GLG1: variants seen among roughly 807,000 people sequenced by gnomAD.
GLG1 encodes golgi glycoprotein 1.
GLG1 carries 38 observed loss-of-function variants against 160.5 expected under a neutral mutation model. The observed-to-expected ratio is 0.24, with a 90% CI of 0.18 to 0.31. The LOEUF (loss-of-function observed/expected upper bound fraction) is 0.31, where lower values mean the gene tolerates loss of function less well. Ranked by LOEUF, GLG1 falls within the 10% of genes least tolerant of loss-of-function variation. The probability of loss-of-function intolerance (pLI) is 1.00; values close to 1 mark genes in which losing one functional copy is unlikely to be tolerated. For missense variants in GLG1, 1,373 were observed against 1,505.2 expected (o/e 0.91, Z 1.45); for synonymous variants, 644 against 543.4 (o/e 1.19, Z -2.57).
intron 1 of GLG1, among the ~76,000 whole-genome samples, chr16:74,580,199 T>G (rs948008354): frequency 1.3e-5 from 2 of 151,486 alleles, no homozygotes; most frequent in African/African-American, 4.9e-5. Flanking sequence ...AAAACCAAAT[T>G]TTACGCCTGT....
intron 8 of GLG1, 67 bp downstream of exon 8, chr16:74,490,934 G>T: frequency 9.3e-7 from 1 of 1,076,364 alleles, no homozygotes; most frequent in Non-Finnish European, 1.4e-6. Flanking sequence ...AGGTGGGACA[G>T]CATCAGGAAG....
In GLG1 at chr16:74,468,226, C is replaced by CTTTTTTTTTT. The variant is rs201829157; in HGVS notation, c.2437-388_2437-379dup. ...AACCAAATCTTCCAGCTTGAAATGTCTTTTTTTTTTTTTTTTTTTTTTTTT... is the reference window on the plus strand; with the variant it reads ...AACCAAATCTTCCAGCTTGAAATGTCTTTTTTTTTTTTTTTTTTTTTTTTTTTTTTTTTTT... On this transcript the variant is annotated intron_variant, in intron 17 of 25. Transcript: ENST00000422840. 47 of 83,318 alleles carry CTTTTTTTTTT rather than the reference C, an allele frequency of 5.6e-4. 1 individual carries two copies. The highest frequency in any genetic ancestry group is 2.2e-3 in the African/African-American group (42 of 19,202). The allele number at this position is 83,318 out of a possible 1,614,324, so 5.2% of individuals were successfully genotyped here.
At chr16:74,541,790 G>A (rs1454191796) in intron 1 of GLG1, among the ~76,000 whole-genome samples, 3 of 151,880 alleles carry the variant, frequency 2.0e-5, no homozygotes, top group Admixed American at 6.6e-5. Context: ...TATTGTATGT[G>A]TATAGGTTAT....
At chr16:74,479,301 A>G (rs1023857758) in intron 11 of GLG1, among the ~76,000 whole-genome samples, 2 of 151,260 alleles carry the variant, frequency 1.3e-5, no homozygotes, top group African/African-American at 4.8e-5. Context: ...TTAAAAAAAA[A>G]AAGAAAAGAA....
At chr16:74,463,732 T>TTGTTGTTG (rs57313187) in intron 19 of GLG1, among the ~76,000 whole-genome samples, 6 of 151,132 alleles carry the variant, frequency 4.0e-5, no homozygotes, top group African/African-American at 1.5e-4. Flanking sequence ...TTGTGTTTTT[T>TTGTTGTTG]TTGTTGTTGT....
intron 1 of GLG1, among the ~76,000 whole-genome samples, chr16:74,597,022 G>A (rs974383254): frequency 1.3e-5 from 2 of 152,094 alleles, no homozygotes; most frequent in African/African-American, 4.8e-5. Context: ...AGGAGGCTGA[G>A]GTGGGATGAT....
At chr16:74,539,560 C>T (rs2017776516) in intron 1 of GLG1, among the ~76,000 whole-genome samples, 1 of 148,052 alleles carries the variant, frequency 6.8e-6, no homozygotes, top group East Asian at 2.1e-4. Context: ...AGCATACTTA[C>T]ACATAGGTAT....
chr16:74,483,833 G>A (rs935798678), intron 9 of GLG1, among the ~76,000 whole-genome samples: 3 of 151,624 alleles, frequency 2.0e-5, no homozygotes, highest in Non-Finnish European at 2.9e-5. Context: ...AATTTTTTTT[G>A]TATTTTTAGT....
chr16:74,455,929 A>G (rs1047511139), intron 25 of GLG1, among the ~76,000 whole-genome samples: 4 of 152,208 alleles, frequency 2.6e-5, no homozygotes, highest in Non-Finnish European at 5.9e-5. Flanking sequence ...GCACGAGAAG[A>G]ACTGTTATTC....
At position 74,452,512 on chromosome 16, in the gene GLG1, G is replaced by T. The variant is rs2014354369; in HGVS notation, c.*655C>A. The T allele has an allele frequency of 9.8e-7, 1 of 1,022,060 alleles. No individual in the cohort carries two copies. The highest frequency in any genetic ancestry group is 1.7e-5 in the African/African-American group (1 of 59,232). 63.3% of individuals were successfully genotyped at this position (1,022,060 alleles called of 1,614,324 possible). On this transcript the variant is annotated 3_prime_UTR_variant, in exon 26 of 26. Transcript: ENST00000422840. ...CATGGCTGTGGGGCTGTGACCAGCAGTGGCTGATTAGGGTGGAAACTGGAA... is the reference window on the plus strand; with the variant it reads ...CATGGCTGTGGGGCTGTGACCAGCATTGGCTGATTAGGGTGGAAACTGGAA...
At chr16:74,472,015 C>T (rs2015224629) in intron 14 of GLG1, among the ~76,000 whole-genome samples, 1 of 152,166 alleles carries the variant, frequency 6.6e-6, no homozygotes, top group Admixed American at 6.5e-5. Context: ...AGTGATCCTC[C>T]CACCTCTGCC....
At chr16:74,600,335 G>A (rs1235099409) in intron 1 of GLG1, among the ~76,000 whole-genome samples, 1 of 151,922 alleles carries the variant, frequency 6.6e-6, no homozygotes, top group African/African-American at 2.4e-5. Flanking sequence ...TGAGGTTGCA[G>A]TGAGCCATGA....
At chr16:74,518,713 A>G (rs774507193) in intron 2 of GLG1, among the ~76,000 whole-genome samples, 2 of 152,250 alleles carry the variant, frequency 1.3e-5, no homozygotes, top group Non-Finnish European at 2.9e-5. Flanking sequence ...TAATTCAACT[A>G]AAGAGCTTCT....
intron 1 of GLG1, among the ~76,000 whole-genome samples, chr16:74,591,872 G>A (rs1342952098): frequency 6.6e-6 from 1 of 152,130 alleles, no homozygotes; most frequent in African/African-American, 2.4e-5. Flanking sequence ...GCAGTCTTCT[G>A]AACTATTCTT....
chr16:74,487,150 C>A (rs1464036873), intron 8 of GLG1, among the ~76,000 whole-genome samples: 1 of 152,140 alleles, frequency 6.6e-6, no homozygotes, highest in Non-Finnish European at 1.5e-5. Flanking sequence ...AAGTGATCCG[C>A]CCACCTCGAA....
At chr16:74,512,424 C>A (rs1427021807) in intron 2 of GLG1, among the ~76,000 whole-genome samples, 1 of 151,834 alleles carries the variant, frequency 6.6e-6, no homozygotes. Flanking sequence ...CCACCACATC[C>A]AGCTACATTT....
intron 15 of GLG1, among the ~76,000 whole-genome samples, 178 bp from the exon 16 acceptor site, chr16:74,470,251 GCTTC>G (rs899034276): frequency 4.0e-5 from 6 of 151,132 alleles, no homozygotes; most frequent in East Asian, 3.9e-4. Flanking sequence ...CAACAGGCAG[GCTTC>G]CTTCCTTCCT....
intron 2 of GLG1, among the ~76,000 whole-genome samples, chr16:74,530,827 G>A (rs1231865699): frequency 6.6e-6 from 1 of 152,068 alleles, no homozygotes; most frequent in Non-Finnish European, 1.5e-5. Flanking sequence ...TCAAATGGAT[G>A]ACAACAGTGC....
intron 2 of GLG1, among the ~76,000 whole-genome samples, chr16:74,523,898 C>T (rs577634421): frequency 2.9e-4 from 44 of 151,972 alleles, no homozygotes; most frequent in African/African-American, 1.0e-3. Flanking sequence ...ATTTATGATT[C>T]TGCTGATAGT....
Sources: gnomAD v4.1 joint callset for allele counts (sites outside exome capture counted in the v4.1 genomes callset) on GRCh38, gnomAD v4.1.1 for gene constraint, MANE v1.5 for transcripts, NCBI Gene and HGNC (gene_info 2026-07-23, HGNC 2026-07-21) for gene names.